The following ESR1 variants were observed in gnomAD, a reference collection of about 807,000 sequenced individuals.
ESR1 encodes estrogen receptor.
A neutral mutation model predicts 52.7 loss-of-function variants in ESR1; 12 were observed. The ratio of observed to expected loss-of-function variants is 0.23; its 90% CI spans 0.15 to 0.37. The LOEUF is 0.37. Among genes scored for constraint, ESR1 ranks in the 10% least tolerant of loss-of-function variants. The pLI is 1.00. For missense variants in ESR1, 584 were observed against 779.7 expected (o/e 0.75, Z 2.99); for synonymous variants, 305 against 316.8 (o/e 0.96, Z 0.39).
In ESR1 at chr6:151,713,372, TC is replaced by T. The variant is rs552604645; in HGVS notation, c.-71+11370del. On this transcript the variant is annotated intron_variant, in intron 2 of 2. Transcript: ENST00000404742. ...CCTCATAAAATGAGTTAGGGAGGAG[TC>T]CCTCTTTTTCTATTGTTTGGAATAA... Among the ~76,000 whole-genome samples, 470 of 152,184 alleles carry T rather than the reference TC, an allele frequency of 3.1e-3. 2 individuals are homozygous for T. Among genetic ancestry groups the T allele is most frequent in the Non-Finnish European group, 3.7e-3 (255 of 68,010 alleles).
intron 3 of ESR1, among the ~76,000 whole-genome samples, chr6:151,941,710 C>A (rs2035084788): frequency 6.6e-6 from 1 of 152,152 alleles, no homozygotes; most frequent in South Asian, 2.1e-4. Context: ...TTCTTGGAAA[C>A]CCTCAGTGAT....
intron 2 of ESR1, among the ~76,000 whole-genome samples, chr6:151,758,289 C>G (rs1332543599): frequency 1.3e-5 from 2 of 152,200 alleles, no homozygotes; most frequent in African/African-American, 4.8e-5. Flanking sequence ...AAAATATACT[C>G]GTCTCCTCAG....
chr6:151,892,709 G>C (rs1794873340), intron 3 of ESR1, among the ~76,000 whole-genome samples: 2 of 150,860 alleles, frequency 1.3e-5, no homozygotes, highest in African/African-American at 4.9e-5. Context: ...GGCCAAAAAA[G>C]ATAATGAATT....
intron 5 of ESR1, among the ~76,000 whole-genome samples, chr6:152,021,072 A>G (rs1375912133): frequency 1.3e-5 from 2 of 152,192 alleles, no homozygotes; most frequent in Non-Finnish European, 2.9e-5. Flanking sequence ...TGAAGGATAC[A>G]AAGTATTAAT....
At chr6:151,880,952 G>C (rs1293430333) in intron 3 of ESR1, among the ~76,000 whole-genome samples, 181 bp downstream of exon 3, 1 of 152,112 alleles carries the variant, frequency 6.6e-6, no homozygotes, top group Non-Finnish European at 1.5e-5. Context: ...TAAAAAGGTG[G>C]AAGTGTCTGG....
At chr6:151,837,240 C>T (rs1783501437) in intron 1 of ESR1, among the ~76,000 whole-genome samples, 1 of 151,108 alleles carries the variant, frequency 6.6e-6, no homozygotes, top group Admixed American at 6.6e-5. Flanking sequence ...GCTGGGATTA[C>T]AGGCACCTGC....
rs935480097 is a variant in ESR1, at chr6:152,101,216, C to T, written c.*2250C>T. 2 of 231,682 alleles carry T rather than the reference C, an allele frequency of 8.6e-6. No homozygotes were observed. The highest frequency in any genetic ancestry group is 1.7e-5 in the Non-Finnish European group (2 of 117,060). 14.4% of individuals were successfully genotyped at this position (231,682 alleles called of 1,614,324 possible). The stretch of plus-strand genomic sequence containing the variant: ...TGTTGGATACTGAATGACAGACAAT[C>T]TTATGTAGCAAAGATTATGCCTGAA... On this transcript the variant is annotated 3_prime_UTR_variant, in exon 8 of 8. Coordinates refer to ENST00000206249, the MANE Select transcript of ESR1 (RefSeq NM_000125.4).
intron 5 of ESR1, among the ~76,000 whole-genome samples, chr6:152,012,454 C>T (rs555661101): frequency 2.2e-4 from 34 of 151,988 alleles, no homozygotes; most frequent in Non-Finnish European, 3.7e-4. Context: ...ATGCTAAACA[C>T]TTTACATATA....
At chr6:151,744,479 G>T (rs902331625) in intron 2 of ESR1, among the ~76,000 whole-genome samples, 2 of 152,110 alleles carry the variant, frequency 1.3e-5, no homozygotes, top group African/African-American at 4.8e-5. Context: ...ATGACATAAA[G>T]CATCTTTTCA....
At chr6:151,912,917 C>T (rs1798494665) in intron 3 of ESR1, among the ~76,000 whole-genome samples, 1 of 151,692 alleles carries the variant, frequency 6.6e-6, no homozygotes, top group Non-Finnish European at 1.5e-5. Context: ...CGGGGCCTGT[C>T]GGGAGTTGGG....
chr6:152,097,858 T>TTC (rs1173915188), intron 7 of ESR1, among the ~76,000 whole-genome samples: 41 of 152,126 alleles, frequency 2.7e-4, no homozygotes, highest in African/African-American at 9.9e-4. Flanking sequence ...TGTGAGTGTG[T>TTC]GCACGTGTGT....
At chr6:152,090,686 G>A (rs1378526705) in intron 6 of ESR1, among the ~76,000 whole-genome samples, 1 of 152,212 alleles carries the variant, frequency 6.6e-6, no homozygotes, top group African/African-American at 2.4e-5. Context: ...CTGGGGTGGA[G>A]ATGGAAAGAG....
intron 1 of ESR1, among the ~76,000 whole-genome samples, chr6:151,670,761 C>T (rs918662340): frequency 4.8e-4 from 48 of 99,072 alleles, no homozygotes; most frequent in African/African-American, 1.5e-3. Flanking sequence ...TTTTTGTTTT[C>T]GTTTTTTTTT....
At chr6:151,764,056 G>A (rs1223031043) in intron 2 of ESR1, among the ~76,000 whole-genome samples, 1 of 152,106 alleles carries the variant, frequency 6.6e-6, no homozygotes, top group Non-Finnish European at 1.5e-5. Context: ...AAAGCGCGGG[G>A]GTGTGGCTCT....
At chr6:151,716,327 G>C (rs1781032273) in intron 2 of ESR1, among the ~76,000 whole-genome samples, 1 of 152,174 alleles carries the variant, frequency 6.6e-6, no homozygotes, top group Non-Finnish European at 1.5e-5. Context: ...CACTTGAGCA[G>C]GTAGTCTGTC....
intron 1 of ESR1, among the ~76,000 whole-genome samples, chr6:151,660,985 C>T (rs1478075088): frequency 1.3e-5 from 2 of 152,088 alleles, no homozygotes; most frequent in African/African-American, 4.8e-5. Flanking sequence ...TAAATAAAAG[C>T]TTCCCAGCTG....
chr6:151,667,512 A>C (rs1463636375), intron 1 of ESR1, among the ~76,000 whole-genome samples: 2 of 152,190 alleles, frequency 1.3e-5, no homozygotes, highest in Non-Finnish European at 2.9e-5. Context: ...CAGGTCTTCT[A>C]TAATTTTGTA....
rs10624912 is a variant in ESR1, at chr6:151,736,375, G to GTTTTTTTTTTTTTTTTTTTTTTTTTTTT, written c.-71+34385_-71+34386insTTTTTTTTTTTTTTTTTTTTTTTTTTTT. Reference sequence around the variant, plus strand: ...AAATACTTACTGTATTCCAGGTAGTGTTTTTTTTTTTTTTTGAGATGGAGT... The same window carrying GTTTTTTTTTTTTTTTTTTTTTTTTTTTT: ...AAATACTTACTGTATTCCAGGTAGTGTTTTTTTTTTTTTTTTTTTTTTTTTTTTTTTTTTTTTTTTTTTGAGATGGAGT... On this transcript the variant is annotated intron_variant, in intron 2 of 2. Transcript: ENST00000404742. Among the ~76,000 whole-genome samples the GTTTTTTTTTTTTTTTTTTTTTTTTTTTT allele has an allele frequency of 4.1e-4, 46 of 112,702 alleles. 9 individuals are homozygous for GTTTTTTTTTTTTTTTTTTTTTTTTTTTT. The highest frequency in any genetic ancestry group is 1.7e-3 in the African/African-American group (45 of 26,158). The allele number at this position is 112,702 out of a possible 152,430, so 73.9% of individuals were successfully genotyped here.
chr6:151,913,204 C>T (rs1798542507), intron 3 of ESR1, among the ~76,000 whole-genome samples: 1 of 152,136 alleles, frequency 6.6e-6, no homozygotes, highest in Non-Finnish European at 1.5e-5. Flanking sequence ...TACTAGAAAC[C>T]TTATGACCCT....
Sources: gnomAD v4.1 joint callset for allele counts (sites outside exome capture counted in the v4.1 genomes callset) on GRCh38, gnomAD v4.1.1 for gene constraint, MANE v1.5 for transcripts, NCBI Gene and HGNC (gene_info 2026-07-23, HGNC 2026-07-21) for gene names.